MYH7B: variants seen among roughly 807,000 people sequenced by gnomAD.
The protein encoded by MYH7B is myosin-7B.
Under a neutral mutation model 234.5 loss-of-function variants are expected in MYH7B, and 205 were observed. The observed-to-expected ratio is 0.87, with a 90% CI of 0.78 to 0.98. MYH7B has a LOEUF of 0.98. Among genes scored for constraint, MYH7B ranks in the 50% least tolerant of loss-of-function variants. MYH7B has a pLI of 0.00. For missense variants in MYH7B, 2,652 were observed against 2,633.4 expected (o/e 1.01, Z -0.15); for synonymous variants, 1,193 against 1,105.0 (o/e 1.08, Z -1.58).
chr20:34,962,579 A>G (rs4911165), intron 2 of MYH7B, among the ~76,000 whole-genome samples: 66 of 152,060 alleles, frequency 4.3e-4, no homozygotes, highest in Middle Eastern at 3.4e-3. Context: ...TATAAACTAT[A>G]TGCATCCTCT....
chr20:35,001,776 T>C (rs1318111495), intron 43 of MYH7B, among the ~76,000 whole-genome samples, 172 bp from the exon 44 acceptor site: 1 of 152,122 alleles, frequency 6.6e-6, no homozygotes, highest in East Asian at 1.9e-4. Context: ...GCACATGAAG[T>C]TGGTGCGTCC....
Position 34,993,228 on chromosome 20 carries a change from C to T in MYH7B, c.2307+3C>T, listed in dbSNP as rs761115874. ...AGTACCAGTTTGGCCACACCAAGGT[C>T]GGGGCACTGTGGGATCAGGGCTGGC... On this transcript the variant is annotated splice_donor_region_variant and intron_variant, in intron 25 of 44. Coordinates refer to ENST00000262873, the Ensembl canonical transcript of MYH7B. 6.8e-6 allele frequency: 11 copies of T among 1,613,786 alleles called. No homozygotes were observed. Among genetic ancestry groups the T allele is most frequent in the South Asian group, 5.5e-5 (5 of 91,076 alleles).
rs781216633 is a variant in MYH7B at position 34,998,305 on chromosome 20, A to G, written c.3758A>G (p.Glu1253Gly). Residue 1253 changes from glutamate to glycine, a missense_variant, in exon 33 of 45, where the codon GAG (glutamate) becomes GGG (glycine). Glu to Gly is a moderately conservative substitution (Grantham distance 98, BLOSUM62 -2). Around this residue, in one of 3 missense-constraint regions of MYH7B, gnomAD observed 2,279 missense variants for 2,211.4 expected, o/e 1.03. Coordinates refer to ENST00000262873, the Ensembl canonical transcript of MYH7B. Reference sequence around the variant, plus strand: ...AACCTGGGATCCTAGGCCAGTGCAGAGAAGCTGTGCCGGACCTATGAGGAT... The same window carrying G: ...AACCTGGGATCCTAGGCCAGTGCAGGGAAGCTGTGCCGGACCTATGAGGAT... The G allele has an allele frequency of 6.8e-6, 11 of 1,613,848 alleles. No individual in the cohort carries two copies. The highest frequency in any genetic ancestry group is 3.3e-5 in the Admixed American group (2 of 60,018).
chr20:34,963,848 G>A (rs930140332), intron 2 of MYH7B, among the ~76,000 whole-genome samples: 1 of 152,106 alleles, frequency 6.6e-6, no homozygotes, highest in African/African-American at 2.4e-5. Context: ...GCACTTTTAA[G>A]TGGTAAATTA....
At chr20:34,979,627 G>T in intron 6 of MYH7B, 34 bp from the exon 7 acceptor site, 1 of 1,613,216 alleles carries the variant, frequency 6.2e-7, no homozygotes, top group South Asian at 1.1e-5. Context: ...GGTTCCTCCC[G>T]GTCCCCCGGC....
At position 34,975,451 on chromosome 20, in the gene MYH7B, G is replaced by C. The variant is rs372817661; in HGVS notation, c.-170G>C. The stretch of plus-strand genomic sequence containing the variant: ...GCTGGTCTTGAACTCCTGAGCTTAA[G>C]TGATGTGTCCGCCTGGGCCTCCCAA... On this transcript the variant is annotated 5_prime_UTR_variant, in exon 3 of 45. Coordinates refer to ENST00000262873, the Ensembl canonical transcript of MYH7B. The C allele has an allele frequency of 5.7e-6, 4 of 702,486 alleles. No individual in the cohort carries two copies. The African/African-American group carries it at 7.0e-5, about 12-fold the overall frequency. The allele number at this position is 702,486 out of a possible 1,614,324, so 43.5% of individuals were successfully genotyped here. A position where few individuals can be genotyped will look rare whatever the true frequency, so the allele number is the denominator to read the frequency against.
chr20:34,994,201 T>G, exon 27 of MYH7B: 1 of 1,613,402 alleles, frequency 6.2e-7, no homozygotes, highest in Non-Finnish European at 8.5e-7. Flanking sequence ...CGTCAAGAAC[T>G]GGTCATGGAT....
At chr20:34,979,471 T>C (rs2081906797) in exon 6 of MYH7B, 1 of 1,613,442 alleles carries the variant, frequency 6.2e-7, no homozygotes, top group African/African-American at 1.3e-5. Flanking sequence ...GGGGGCAGAG[T>C]CACCGTGGAG....
At chr20:34,990,788 C>T (rs369018239) in exon 23 of MYH7B, 25 of 1,614,092 alleles carry the variant, frequency 1.5e-5, no homozygotes, top group East Asian at 2.2e-5. Context: ...AGCCCCACTT[C>T]GTCCGCTGCA....
exon 43 of MYH7B, chr20:35,001,516 T>C (rs750525202): frequency 4.4e-6 from 7 of 1,608,386 alleles, no homozygotes; most frequent in Admixed American, 1.7e-5. Flanking sequence ...AAGCGCCAGT[T>C]TGAGGAGGCG....
intron 2 of MYH7B, among the ~76,000 whole-genome samples, chr20:34,965,241 C>A (rs1472883809): frequency 6.6e-6 from 1 of 152,202 alleles, no homozygotes; most frequent in Non-Finnish European, 1.5e-5. Context: ...GACAGAGCAA[C>A]TCTGAGGGTT....
chr20:34,967,818 A>G (rs983303841), intron 2 of MYH7B, among the ~76,000 whole-genome samples: 2 of 152,214 alleles, frequency 1.3e-5, no homozygotes, highest in Non-Finnish European at 2.9e-5. Flanking sequence ...GCCTGGGGCA[A>G]GCCCATCCTG....
chr20:34,986,507 C>T (rs1178728137), intron 14 of MYH7B, among the ~76,000 whole-genome samples: 1 of 152,228 alleles, frequency 6.6e-6, no homozygotes, highest in Non-Finnish European at 1.5e-5. Flanking sequence ...CAGCTCTCCT[C>T]TCTGGCAAGC....
chr20:34,982,060 C>T (rs2081949626), intron 9 of MYH7B: 2 of 169,174 alleles, frequency 1.2e-5, no homozygotes, highest in Non-Finnish European at 2.6e-5. Context: ...ATAAAAAATC[C>T]TACCTACCAC....
chr20:34,973,888 A>G (rs2081817507), intron 2 of MYH7B, among the ~76,000 whole-genome samples: 1 of 147,532 alleles, frequency 6.8e-6, no homozygotes, highest in Non-Finnish European at 1.5e-5. Flanking sequence ...CTCCCCAAGT[A>G]GGTGGGATTA....
At chr20:34,962,263 G>A (rs909577122) in intron 2 of MYH7B, among the ~76,000 whole-genome samples, 1 of 152,174 alleles carries the variant, frequency 6.6e-6, no homozygotes, top group Non-Finnish European at 1.5e-5. Flanking sequence ...GAACATTCAT[G>A]TACAGGTTTT....
In MYH7B at chr20:34,987,812, G is replaced by A. The variant is rs776664113; in HGVS notation, c.1314G>A (p.Leu438=). Residue 438 remains leucine (L), a synonymous_variant, in exon 18 of 45, where the codon CTG becomes CTA. Coordinates refer to ENST00000262873, the Ensembl canonical transcript of MYH7B. Reference sequence around the variant, plus strand: ...TGGCCAAGGCCACCTATGACCGGCTGTTCAGGTGGCTGGTGTCTCGGATCA... The same window carrying A: ...TGGCCAAGGCCACCTATGACCGGCTATTCAGGTGGCTGGTGTCTCGGATCA... 4 of 1,614,108 alleles carry A rather than the reference G, an allele frequency of 2.5e-6. No individual in the cohort carries two copies. In the African/African-American group the frequency reaches 4.0e-5, roughly 16 times the overall value.
chr20:34,982,498 G>A (rs980972339), exon 10 of MYH7B: 4 of 1,613,684 alleles, frequency 2.5e-6, no homozygotes, highest in Non-Finnish European at 3.4e-6. Context: ...ACACCAAGCG[G>A]GTCATTCAGT....
At chr20:34,989,483 G>A (rs80092519) in intron 19 of MYH7B, among the ~76,000 whole-genome samples, 1 of 152,166 alleles carries the variant, frequency 6.6e-6, no homozygotes, top group Non-Finnish European at 1.5e-5. Context: ...GCCAGCTTGG[G>A]TTTGCCATTG....
Sources: gnomAD v4.1 joint callset for allele counts (sites outside exome capture counted in the v4.1 genomes callset) on GRCh38, gnomAD v4.1.1 for gene constraint, gnomAD v4.1.1 regional missense constraint, MANE v1.5 for transcripts, NCBI Gene and HGNC (gene_info 2026-07-23, HGNC 2026-07-21) for gene names.